PIK3R1: variants seen among roughly 807,000 people sequenced by gnomAD.
PIK3R1 encodes phosphoinositide-3-kinase regulatory subunit 1, also known as phosphatidylinositol 3-kinase regulatory subunit alpha.
In PIK3R1, 29 loss-of-function variants were observed where a neutral mutation model predicts 98.0. The observed-to-expected ratio is 0.30, with a 90% confidence interval of 0.22 to 0.40. The LOEUF is 0.40. Ranked by LOEUF, PIK3R1 falls within the 10% of genes least tolerant of loss-of-function variation. The pLI, the probability that PIK3R1 is intolerant of heterozygous loss-of-function variation, is 1.00. For synonymous variants in PIK3R1, 282 were observed against 311.8 expected, an observed-to-expected ratio of 0.90 and a Z score of 1.01; for missense variants, 596 against 872.7, an observed-to-expected ratio of 0.68 and a Z score of 3.99.
At chr5:68,225,623 G>A (rs1013096130) in intron 1 of PIK3R1, among the ~76,000 whole-genome samples, 1 of 152,124 alleles carries the variant, frequency 6.6e-6, no homozygotes, top group South Asian at 2.1e-4. Context: ...CTCTTGGCCA[G>A]ACCTCTGCAA....
rs184450939 is a variant in PIK3R1 at position 68,300,511 on chromosome 5, G to A, written c.*2910G>A. ...AGCTGCAGTGAGGCTGTGATTGGGC[G>A]TAGAAGTGGGAGCATTGGGACCTCA... On this transcript the variant is annotated 3_prime_UTR_variant, in exon 16 of 16. Transcript: ENST00000521381. 1.7e-3 allele frequency: 403 copies of A among 233,220 alleles called. 1 individual carries two copies. Among genetic ancestry groups the A allele is most frequent in the Admixed American group, 3.3e-3 (58 of 17,788 alleles). 14.4% of individuals were successfully genotyped at this position (233,220 alleles called of 1,614,324 possible). A position where few individuals can be genotyped will look rare whatever the true frequency, so the allele number is the denominator to read the frequency against.
intron 2 of PIK3R1, among the ~76,000 whole-genome samples, chr5:68,257,703 A>G (rs970143594): frequency 1.3e-5 from 2 of 152,186 alleles, no homozygotes; most frequent in Admixed American, 6.5e-5. Context: ...TTCCATGTCT[A>G]TAATATTAAT....
intron 2 of PIK3R1, among the ~76,000 whole-genome samples, chr5:68,252,270 CA>C (rs1745341236): frequency 6.6e-6 from 1 of 152,018 alleles, no homozygotes; most frequent in South Asian, 2.1e-4. Flanking sequence ...CAAGTACCTA[CA>C]TGTGTCTTTC....
At chr5:68,249,776 G>A (rs1178287193) in intron 2 of PIK3R1, among the ~76,000 whole-genome samples, 2 of 152,028 alleles carry the variant, frequency 1.3e-5, no homozygotes, top group Non-Finnish European at 2.9e-5. Flanking sequence ...GTGGGGTGGG[G>A]GGCGTTAACA....
chr5:68,221,532 A>T (rs569960346), intron 1 of PIK3R1, among the ~76,000 whole-genome samples: 3 of 152,362 alleles, frequency 2.0e-5, no homozygotes, highest in African/African-American at 7.2e-5. Flanking sequence ...TGGGAGATAG[A>T]ATCACATGAC....
chr5:68,244,516 C>CA (rs1180825071), intron 2 of PIK3R1, among the ~76,000 whole-genome samples: 5 of 24,162 alleles, frequency 2.1e-4, no homozygotes, highest in Non-Finnish European at 3.3e-4. Context: ...TCTAGGACCG[C>CA]CCCCCCGCCC....
chr5:68,252,106 G>C (rs1381292690), intron 2 of PIK3R1, among the ~76,000 whole-genome samples: 1 of 152,132 alleles, frequency 6.6e-6, no homozygotes. Context: ...GAGCCCAGCA[G>C]GGATGAAAAA....
chr5:68,219,631 C>T (rs1286527221), intron 1 of PIK3R1, among the ~76,000 whole-genome samples: 1 of 152,236 alleles, frequency 6.6e-6, no homozygotes, highest in Non-Finnish European at 1.5e-5. Context: ...AAGGAGAGAA[C>T]TACATGGGCA....
chr5:68,278,722 AC>A (rs1207597697), intron 4 of PIK3R1, among the ~76,000 whole-genome samples: 1 of 152,078 alleles, frequency 6.6e-6, no homozygotes, highest in Non-Finnish European at 1.5e-5. Flanking sequence ...CGGGTGGATC[AC>A]GAGGTCAGGA....
At chr5:68,232,501 G>C (rs1445143080) in intron 2 of PIK3R1, among the ~76,000 whole-genome samples, 8 of 152,174 alleles carry the variant, frequency 5.3e-5, no homozygotes, top group Admixed American at 5.2e-4. Flanking sequence ...TACCCAGAGG[G>C]GAGAGGAAGG....
rs1467735159 is a variant in PIK3R1, at chr5:68,297,641, C to G, written c.*40C>G. On this transcript the variant is annotated 3_prime_UTR_variant, in exon 16 of 16. Transcript: ENST00000521381. ...GATCCTTCTCCTGAAGTTCAGCCAC[C>G]CTGAGGCCTCTGGAAAGCAAAGGGC... The G allele has an allele frequency of 4.5e-6, 7 of 1,564,126 alleles. No homozygotes were observed. The highest frequency in any genetic ancestry group is 6.1e-6 in the Non-Finnish European group (7 of 1,141,762).
chr5:68,263,175 C>T (rs1561279626), intron 2 of PIK3R1, among the ~76,000 whole-genome samples: 1 of 143,628 alleles, frequency 7.0e-6, no homozygotes, highest in Non-Finnish European at 1.5e-5. Flanking sequence ...ACATATATAT[C>T]TATATATACA....
intron 2 of PIK3R1, among the ~76,000 whole-genome samples, chr5:68,236,584 A>G (rs1744679303): frequency 1.3e-5 from 2 of 152,224 alleles, no homozygotes; most frequent in Admixed American, 1.3e-4. Flanking sequence ...ACTGAAGGTC[A>G]TGTGATTGTG....
At position 68,297,708 on chromosome 5, in the gene PIK3R1, G is replaced by A; in HGVS notation, c.*107G>A. 1.1e-6 allele frequency: 1 copy of A among 918,048 alleles called. No individual in the cohort carries two copies. The allele number at this position is 918,048 out of a possible 1,614,324, so 56.9% of individuals were successfully genotyped here. ...CTGTGAATTGAGCTGCAGAAACGAAGCCATCTTTCTTTGGATGGGACTAGA... is the reference window on the plus strand; with the variant it reads ...CTGTGAATTGAGCTGCAGAAACGAAACCATCTTTCTTTGGATGGGACTAGA... On this transcript the variant is annotated 3_prime_UTR_variant, in exon 16 of 16. Coordinates refer to ENST00000521381, the MANE Select transcript of PIK3R1 (RefSeq NM_181523.3).
chr5:68,282,917 A>G (rs34306), intron 7 of PIK3R1, among the ~76,000 whole-genome samples: 132,211 of 152,300 alleles, frequency 0.87, 57,834 homozygotes, highest in African/African-American at 0.97. Flanking sequence ...GGACCTTTGG[A>G]ATTAAATGGC....
rs75047256 is a variant in PIK3R1, at chr5:68,301,731, T to G, written c.*4130T>G. The stretch of plus-strand genomic sequence containing the variant: ...TGCCTCCTTGACATTTCGTTCAAGT[T>G]ATAGATTCAATGGAGCTATGTCTTG... On this transcript the variant is annotated 3_prime_UTR_variant, in exon 16 of 16. Transcript: ENST00000521381. The G allele has an allele frequency of 4.5e-4, 77 of 170,408 alleles. 1 individual carries two copies. The East Asian group carries it at 8.6e-3, about 19-fold the overall frequency. The allele number at this position is 170,408 out of a possible 1,614,324, so 10.6% of individuals were successfully genotyped here.
Position 68,295,287 on chromosome 5 carries a change from C to T in PIK3R1, c.1708C>T (p.Leu570Phe), listed in dbSNP as rs1561299896. 7 of 1,614,094 alleles carry T rather than the reference C, an allele frequency of 4.3e-6. No individual in the cohort carries two copies. The highest frequency in any genetic ancestry group is 5.9e-6 in the Non-Finnish European group (7 of 1,179,978). The change falls in exon 13 of 16, where the codon CTT becomes TTT. Residue 570 changes from leucine to phenylalanine, a missense_variant. Physicochemically the swap from Leu to Phe is conservative, Grantham distance 22. Coordinates refer to ENST00000521381, the MANE Select transcript of PIK3R1 (RefSeq NM_181523.3). ...ACGTATGAACAGCATTAAACCAGAC[C>T]TTATCCAGCTGAGAAAGACGAGAGA... The part of the protein sequence containing the change: ...DKRMNSIKPD[L>F]IQLRKTRDQY...
At chr5:68,227,062 GAA>G in intron 2 of PIK3R1, 53 bp downstream of exon 2, 1 of 1,491,962 alleles carries the variant, frequency 6.7e-7, no homozygotes. Context: ...TCTTTTTAAG[GAA>G]AAGTCTTAAG....
intron 2 of PIK3R1, among the ~76,000 whole-genome samples, chr5:68,262,372 T>G (rs1318612195): frequency 7.6e-6 from 1 of 132,108 alleles, no homozygotes; most frequent in Non-Finnish European, 1.6e-5. Flanking sequence ...TGACCAGGCT[T>G]CTTTCTATAA....
Sources: allele counts gnomAD v4.1 joint callset (sites outside exome capture counted in the v4.1 genomes callset), GRCh38; gene constraint gnomAD v4.1.1; transcripts MANE v1.5; gene names NCBI Gene and HGNC (gene_info 2026-07-23, HGNC 2026-07-21).